The following IL18R1 variants were observed in gnomAD, a reference collection of about 807,000 sequenced individuals.
IL18R1 encodes interleukin 18 receptor 1, also known as interleukin-18 receptor 1.
A neutral mutation model predicts 48.5 loss-of-function variants in IL18R1; 40 were observed. That is an observed-to-expected ratio of 0.82 (90% CI 0.64 to 1.07). The LOEUF (loss-of-function observed/expected upper bound fraction) is 1.07, where lower values mean the gene tolerates loss of function less well. IL18R1 is among the 50% of genes least tolerant of loss of function. IL18R1 has a pLI of 0.00. For missense variants in IL18R1, 596 were observed against 633.7 expected, an observed-to-expected ratio of 0.94 and a Z score of 0.64; for synonymous variants, 232 against 225.9, an observed-to-expected ratio of 1.03 and a Z score of -0.24.
chr2:102,371,851 A>G (rs1410264786), intron 3 of IL18R1, 102 bp from the exon 4 acceptor site: 1 of 685,576 alleles, frequency 1.5e-6, no homozygotes, highest in Non-Finnish European at 2.4e-6. Context: ...TCTTTAATAA[A>G]AATAAAGGAA....
chr2:102,394,933 A>G (rs1324081759), intron 10 of IL18R1, among the ~76,000 whole-genome samples: 1 of 152,132 alleles, frequency 6.6e-6, no homozygotes, highest in Non-Finnish European at 1.5e-5. Context: ...TTTATTTAGA[A>G]ATGACCCACG....
chr2:102,363,916 G>A (rs1170916430), intron 2 of IL18R1, among the ~76,000 whole-genome samples: 2 of 152,172 alleles, frequency 1.3e-5, no homozygotes, highest in African/African-American at 4.8e-5. Flanking sequence ...TGGAACAATA[G>A]GAGTGCCTAT....
At chr2:102,376,485 C>G (rs1679593293) in intron 5 of IL18R1, among the ~76,000 whole-genome samples, 1 of 152,190 alleles carries the variant, frequency 6.6e-6, no homozygotes. Context: ...TGATTCTAAT[C>G]AGGAGAGGCA....
chr2:102,389,996 T>C (rs2105121027), intron 8 of IL18R1, 60 bp from the exon 9 acceptor site: 1 of 1,560,002 alleles, frequency 6.4e-7, no homozygotes, highest in Non-Finnish European at 8.8e-7. Flanking sequence ...CACGTGATGA[T>C]GGACAACACT....
chr2:102,391,248 G>C (rs1025172488), intron 9 of IL18R1, among the ~76,000 whole-genome samples: 1 of 151,990 alleles, frequency 6.6e-6, no homozygotes, highest in Admixed American at 6.6e-5. Flanking sequence ...CTTCCAGCCT[G>C]GTCCTGGATC....
intron 6 of IL18R1, among the ~76,000 whole-genome samples, chr2:102,383,648 C>G (rs1328254704): frequency 6.6e-6 from 1 of 152,064 alleles, no homozygotes; most frequent in Non-Finnish European, 1.5e-5. Flanking sequence ...CCCTTTACTA[C>G]TAACATTTTT....
At chr2:102,381,496 G>A (rs1038619286) in intron 5 of IL18R1, 124 bp from the exon 6 acceptor site, 11 of 708,138 alleles carry the variant, frequency 1.6e-5, no homozygotes, top group Non-Finnish European at 2.0e-5. Flanking sequence ...TAGGACTCAA[G>A]TGAACGTAAA....
At chr2:102,363,939 A>T (rs1046915097) in intron 2 of IL18R1, among the ~76,000 whole-genome samples, 1 of 152,162 alleles carries the variant, frequency 6.6e-6, no homozygotes, top group African/African-American at 2.4e-5. Context: ...TGGCACTTGG[A>T]ACTCCACAAA....
Position 102,381,657 on chromosome 2 carries a change from G to C in IL18R1, c.663G>C (p.Lys221Asn). ...TAGTTCCGGTTCTTCTTGGACCAAA[G>C]CTTAACCATGTTGCAGTGGAATTAG... ...SNIVPVLLGPKLNHVAVELGK... is the reference protein window; with the variant it reads ...SNIVPVLLGPNLNHVAVELGK... The change falls in exon 6 of 11, where the codon AAG becomes AAC. Residue 221 changes from lysine to asparagine, a missense_variant. Lys to Asn is a moderately conservative substitution (Grantham distance 94). Transcript: ENST00000233957. 6.2e-7 allele frequency: 1 copy of C among 1,612,848 alleles called. No individual in the cohort carries two copies. Among genetic ancestry groups the C allele is most frequent in the Non-Finnish European group, 8.5e-7 (1 of 1,178,908 alleles).
chr2:102,375,354 A>G (rs1679512932), intron 4 of IL18R1, among the ~76,000 whole-genome samples: 1 of 152,140 alleles, frequency 6.6e-6, no homozygotes, highest in Admixed American at 6.5e-5. Flanking sequence ...GAGTGTACCT[A>G]TGGATTTGAA....
chr2:102,356,383 G>A lies in IL18R1; in HGVS notation c.-46G>A. The A allele has an allele frequency of 1.0e-6, 1 of 984,520 alleles. No individual in the cohort carries two copies. The highest frequency in any genetic ancestry group is 1.2e-6 in the Non-Finnish European group (1 of 829,366). The allele number at this position is 984,520 out of a possible 1,614,324, so 61.0% of individuals were successfully genotyped here. A position where few individuals can be genotyped will look rare whatever the true frequency, so the allele number is the denominator to read the frequency against. On this transcript the variant is annotated 5_prime_UTR_variant, in exon 1 of 11. Coordinates refer to ENST00000233957, the MANE Select transcript of IL18R1 (RefSeq NM_003855.5). ...GAGCTGCCGCCCCCGCCCCAGCCTC[G>A]GGGACGCCTCTCTGAAGGTAAGGGT...
intron 1 of IL18R1, among the ~76,000 whole-genome samples, chr2:102,356,991 A>G (rs1432296936): frequency 2.6e-5 from 4 of 152,190 alleles, no homozygotes; most frequent in Non-Finnish European, 5.9e-5. Flanking sequence ...TATTCATTTC[A>G]CTGACTTCCC....
chr2:102,394,394 C>A, intron 9 of IL18R1, 75 bp from the exon 10 acceptor site: 1 of 1,215,054 alleles, frequency 8.2e-7, no homozygotes, highest in Admixed American at 2.2e-5. Flanking sequence ...TCATTACTTA[C>A]GACATTCACT....
chr2:102,396,029 T>C (rs890064068), intron 10 of IL18R1, among the ~76,000 whole-genome samples: 1 of 152,172 alleles, frequency 6.6e-6, no homozygotes, highest in African/African-American at 2.4e-5. Context: ...TAATGGATGG[T>C]TTTGTTTTGT....
Position 102,396,550 on chromosome 2 carries a change from C to T in IL18R1, c.1290C>T (p.His430=). 6.3e-7 allele frequency: 1 copy of T among 1,594,810 alleles called. No homozygotes were observed. Among genetic ancestry groups the T allele is most frequent in the Non-Finnish European group, 8.5e-7 (1 of 1,170,430 alleles). ...VPGGAVVDEI[H]SLIEKSRRLI... ...TTTCAGCTGTTGTTGATGAAATCCA[C>T]TCACTGATAGAGAAAAGCCGAAGAC... Residue 430 remains histidine, a synonymous_variant, in exon 11 of 11, where the codon CAC becomes CAT. Coordinates refer to ENST00000233957, the MANE Select transcript of IL18R1 (RefSeq NM_003855.5).
Position 102,355,815 on chromosome 2 carries a change from T to TG in IL18R1, c.-611dup, listed in dbSNP as rs1435598370. On this transcript the variant is annotated 5_prime_UTR_variant, in exon 1 of 11. Coordinates refer to ENST00000233957, the MANE Select transcript of IL18R1 (RefSeq NM_003855.5). ...TTTCCCGGGACCCGCGCCGCGCGGC[T>TG]GGGCAGGAAGCGCCAGACGCCTGGG... is the stretch of plus-strand genomic sequence containing the variant. The TG allele has an allele frequency of 6.6e-6, 1 of 152,178 alleles. No homozygotes were observed. Among genetic ancestry groups the TG allele is most frequent in the Non-Finnish European group, 1.5e-5 (1 of 68,052 alleles). 9.4% of individuals were successfully genotyped at this position (152,178 alleles called of 1,614,324 possible).
rs1358737064 is a variant in IL18R1 at position 102,356,340 on chromosome 2, C to G, written c.-89C>G. The G allele has an allele frequency of 7.1e-6, 7 of 985,110 alleles. No homozygotes were observed. The South Asian group carries it at 2.8e-4, about 40-fold the overall frequency. 61.0% of individuals were successfully genotyped at this position (985,110 alleles called of 1,614,324 possible). A position where few individuals can be genotyped will look rare whatever the true frequency, so the allele number is the denominator to read the frequency against. ...TTTCTGAACTTGGCCTCCGCAGTCG[C>G]GACCTGGCGTGAAGGAGGAGCTGCC... On this transcript the variant is annotated 5_prime_UTR_variant, in exon 1 of 11. Transcript: ENST00000233957.
chr2:102,377,239 G>A (rs898179669), intron 5 of IL18R1, among the ~76,000 whole-genome samples: 9 of 152,174 alleles, frequency 5.9e-5, no homozygotes, highest in East Asian at 1.9e-4. Flanking sequence ...TAGTGTCTTC[G>A]GTAAAATCAA....
intron 1 of IL18R1, among the ~76,000 whole-genome samples, chr2:102,357,986 T>G (rs367572696): frequency 1.3e-5 from 2 of 148,198 alleles, no homozygotes; most frequent in East Asian, 4.1e-4. Flanking sequence ...CATGGAACAC[T>G]GTAGAAGAAA....
Sources: allele counts gnomAD v4.1 joint callset (sites outside exome capture counted in the v4.1 genomes callset), GRCh38; gene constraint gnomAD v4.1.1; transcripts MANE v1.5; gene names NCBI Gene and HGNC (gene_info 2026-07-23, HGNC 2026-07-21).